Variants in NXPE1 observed in about 807,000 individuals in gnomAD.
NXPE1 encodes the protein NXPE family member 1.
A neutral mutation model predicts 33.3 loss-of-function variants in NXPE1; 31 were observed. That is an observed-to-expected ratio of 0.93 (90% confidence interval 0.70 to 1.26). NXPE1 has a LOEUF of 1.26. Ranked by LOEUF, NXPE1 falls within the 50% of genes most tolerant of loss-of-function variation. The pLI, the probability that NXPE1 is intolerant of heterozygous loss-of-function variation, is 0.00. For synonymous variants in NXPE1, 229 were observed against 231.4 expected (o/e 0.99, Z 0.09); for missense variants, 661 against 655.6 (o/e 1.01, Z -0.09).
intron 5 of NXPE1, among the ~76,000 whole-genome samples, chr11:114,535,133 T>C (rs530466291): frequency 2.0e-5 from 3 of 152,320 alleles, no homozygotes; most frequent in East Asian, 3.9e-4. Flanking sequence ...TATTCAAAAT[T>C]CTTAAAGAAA....
At chr11:114,520,727 G>A (rs1479868163), downstream of NXPE1, among the ~76,000 whole-genome samples, 1 of 152,168 alleles carries the variant, frequency 6.6e-6, no homozygotes, top group East Asian at 1.9e-4. Context: ...CACCAAGAGT[G>A]TATGAGAGTT....
chr11:114,528,886 G>A (rs1947465260), intron 6 of NXPE1: 1 of 609,286 alleles, frequency 1.6e-6, no homozygotes, highest in African/African-American at 1.8e-5. Flanking sequence ...TTAGGCATAA[G>A]GATGGTTGAT....
At position 114,540,714 on chromosome 11, in the gene NXPE1, G is replaced by A. The variant is rs150237270; in HGVS notation, c.100-9806C>T. 2.5e-3 allele frequency among the ~76,000 whole-genome samples: 386 copies of A among 152,130 alleles called. 4 individuals carry two copies. Among genetic ancestry groups the A allele is most frequent in the African/African-American group, 9.1e-3 (378 of 41,508 alleles). ...AAAGACAGTGAACAAAAGCAGGCAA[G>A]TTTTGGTGGGAAGATGAAACTTGGA... On this transcript the variant is annotated intron_variant, in intron 5 of 8. Coordinates refer to ENST00000534921, the Ensembl canonical transcript of NXPE1.
At chr11:114,557,157 G>C (rs1041008577) in intron 1 of NXPE1, among the ~76,000 whole-genome samples, 1 of 151,962 alleles carries the variant, frequency 6.6e-6, no homozygotes, top group African/African-American at 2.4e-5. Context: ...GCCTCCCAAA[G>C]TTCTGGGATT....
chr11:114,525,031 T>C (rs1471784054), intron 7 of NXPE1, among the ~76,000 whole-genome samples: 1 of 152,086 alleles, frequency 6.6e-6, no homozygotes, highest in Non-Finnish European at 1.5e-5. Context: ...CTTGGTGGTA[T>C]TGTACTTCAA....
chr11:114,530,640 T>C, exon 6 of NXPE1: 1 of 1,614,124 alleles, frequency 6.2e-7, no homozygotes, highest in Non-Finnish European at 8.5e-7. Context: ...GTCCCTCACC[T>C]CCAGTAGGAT....
At chr11:114,530,208 T>C (rs762107429) in exon 6 of NXPE1, 2 of 1,611,876 alleles carry the variant, frequency 1.2e-6, no homozygotes, top group African/African-American at 2.7e-5. Context: ...GTCTGTAAGA[T>C]AAGATACCTC....
intron 6 of NXPE1, 112 bp from the exon 7 acceptor site, chr11:114,528,013 GTTA>G (rs757683735): frequency 8.9e-5 from 59 of 661,966 alleles, no homozygotes; most frequent in Non-Finnish European, 1.3e-4. Context: ...ACTGGAAGCT[GTTA>G]TTATTGTTGT....
rs1405284487 is a variant in NXPE1, at chr11:114,558,286, T to C, written c.-211+1512A>G. 2.6e-5 allele frequency among the ~76,000 whole-genome samples: 4 copies of C among 152,192 alleles called. No individual in the cohort carries two copies. In the East Asian group the frequency reaches 7.7e-4, roughly 29 times the overall value. On this transcript the variant is annotated intron_variant, in intron 1 of 8. Transcript: ENST00000534921. ...ATTTCATTTTCCAAACAAATATCTG[T>C]GGCTGATGTGTAGAAATGCAAGTGC...
chr11:114,526,504 G>A (rs1483190577), intron 7 of NXPE1: 29 of 65,990 alleles, frequency 4.4e-4, no homozygotes, highest in African/African-American at 1.5e-3. Flanking sequence ...CCACAAAGTG[G>A]ATCATACCAC....
intron 7 of NXPE1, among the ~76,000 whole-genome samples, chr11:114,525,434 G>A (rs1489203461): frequency 6.6e-6 from 1 of 152,116 alleles, no homozygotes; most frequent in Non-Finnish European, 1.5e-5. Context: ...ACCCAGGGAA[G>A]GGCAGGGCTC....
rs752690294 is a variant in NXPE1, at chr11:114,530,576, G to A, written c.432C>T (p.Ser144=). 1.2e-5 allele frequency: 19 copies of A among 1,613,846 alleles called. No homozygotes were observed. In the African/African-American group the frequency reaches 2.3e-4, roughly 19 times the overall value. The stretch of plus-strand genomic sequence containing the variant: ...AAGCACCTGCCGTCAGTGCTGGGGA[G>A]GACATCCTGGCCCTCAGGAAATCCC... Residue 144 remains serine (S), a synonymous_variant, in exon 6 of 9, where the codon TCC becomes TCT. Coordinates refer to ENST00000534921, the Ensembl canonical transcript of NXPE1.
At chr11:114,523,924 A>G (rs1388771613) in intron 7 of NXPE1, among the ~76,000 whole-genome samples, 2 of 152,230 alleles carry the variant, frequency 1.3e-5, no homozygotes, top group Non-Finnish European at 2.9e-5. Flanking sequence ...AAGAAAGACC[A>G]AGATAATAAT....
intron 7 of NXPE1, among the ~76,000 whole-genome samples, chr11:114,524,262 G>T (rs1947300223): frequency 1.0e-5 from 1 of 98,612 alleles, no homozygotes; most frequent in South Asian, 3.0e-4. Context: ...ATAGCCATGG[G>T]TCTAGCCACA....
chr11:114,539,716 A>G (rs1565308550), intron 5 of NXPE1, among the ~76,000 whole-genome samples: 1 of 152,204 alleles, frequency 6.6e-6, no homozygotes, highest in Non-Finnish European at 1.5e-5. Flanking sequence ...AAAAAATACT[A>G]GCCCTAGTGT....
intron 5 of NXPE1, among the ~76,000 whole-genome samples, chr11:114,534,159 A>G (rs1591272260): frequency 6.6e-6 from 1 of 152,354 alleles, no homozygotes; most frequent in East Asian, 1.9e-4. Flanking sequence ...ACCACTGCTG[A>G]TACCCAGGCA....
chr11:114,522,641 C>T lies in NXPE1; in HGVS notation c.1109-138G>A, dbSNP rs113067291. 1.8e-5 allele frequency: 14 copies of T among 760,390 alleles called. 1 individual carries two copies. The highest frequency in any genetic ancestry group is 2.5e-5 in the Non-Finnish European group (12 of 484,156). The allele number at this position is 760,390 out of a possible 1,614,324, so 47.1% of individuals were successfully genotyped here. The stretch of plus-strand genomic sequence containing the variant: ...CCTTTCTACTCTCTAGGGTACAGTA[C>T]CCCCAGTTCATACATGTAAAATGTC... On this transcript the variant is annotated intron_variant, in intron 8 of 8. Transcript: ENST00000534921.
chr11:114,527,887 A>G, exon 7 of NXPE1: 3 of 1,592,078 alleles, frequency 1.9e-6, no homozygotes, highest in South Asian at 1.1e-5. Context: ...CATCATTTCA[A>G]CTCCCACTTT....
chr11:114,541,785 G>A (rs549725992), intron 5 of NXPE1, among the ~76,000 whole-genome samples: 1 of 152,102 alleles, frequency 6.6e-6, no homozygotes, highest in Non-Finnish European at 1.5e-5. Context: ...AAAAATCAGA[G>A]CTTAGTCCTC....
Sources: gnomAD v4.1 joint callset for allele counts (sites outside exome capture counted in the v4.1 genomes callset) on GRCh38, gnomAD v4.1.1 for gene constraint, MANE v1.5 for transcripts, NCBI Gene and HGNC (gene_info 2026-07-23, HGNC 2026-07-21) for gene names.